CSNK1G1: variants seen among roughly 807,000 people sequenced by gnomAD.
The protein encoded by CSNK1G1 is casein kinase 1 gamma 1.
A neutral mutation model predicts 59.6 loss-of-function variants in CSNK1G1; 22 were observed. That is an observed-to-expected ratio of 0.37 (90% CI 0.26 to 0.53). The LOEUF (loss-of-function observed/expected upper bound fraction) is 0.53, where lower values mean the gene tolerates loss of function less well. Among genes scored for constraint, CSNK1G1 ranks in the 20% least tolerant of loss-of-function variants. CSNK1G1 has a pLI of 0.89. For synonymous variants in CSNK1G1, 179 were observed against 177.1 expected, an observed-to-expected ratio of 1.01 and a Z score of -0.08; for missense variants, 384 against 519.5, an observed-to-expected ratio of 0.74 and a Z score of 2.54.
At chr15:64,203,858 T>C (rs1477622722) in intron 9 of CSNK1G1, among the ~76,000 whole-genome samples, 2 of 151,920 alleles carry the variant, frequency 1.3e-5, no homozygotes, top group Non-Finnish European at 2.9e-5. Context: ...TTCTGAATCA[T>C]GGGGCCAGGT....
At chr15:64,178,216 T>C (rs150418516) in intron 11 of CSNK1G1, among the ~76,000 whole-genome samples, 5 of 152,202 alleles carry the variant, frequency 3.3e-5, no homozygotes, top group African/African-American at 1.2e-4. Context: ...TAATTTTGTA[T>C]GGAAATCGAA....
At chr15:64,185,876 A>G (rs1187556984) in intron 10 of CSNK1G1, among the ~76,000 whole-genome samples, 4 of 151,816 alleles carry the variant, frequency 2.6e-5, no homozygotes, top group Non-Finnish European at 4.4e-5. Context: ...AAAAAAAAAA[A>G]AAAGAGAGAA....
At chr15:64,268,133 T>C (rs1449970880) in intron 2 of CSNK1G1, among the ~76,000 whole-genome samples, 3 of 152,130 alleles carry the variant, frequency 2.0e-5, no homozygotes, top group African/African-American at 4.8e-5. Context: ...ATATATACAA[T>C]AGAATACTAT....
intron 1 of CSNK1G1, among the ~76,000 whole-genome samples, chr15:64,319,574 C>T (rs1896450281): frequency 6.6e-6 from 1 of 152,198 alleles, no homozygotes; most frequent in Admixed American, 6.5e-5. Context: ...GAGATGGAGT[C>T]TCCCTCTGTT....
rs1309549975 is a variant in CSNK1G1 at position 64,167,526 on chromosome 15, A to T, written c.*4405T>A. 1.3e-5 allele frequency: 2 copies of T among 152,646 alleles called. No individual in the cohort carries two copies. The highest frequency in any genetic ancestry group is 2.9e-5 in the Non-Finnish European group (2 of 68,044). The allele number at this position is 152,646 out of a possible 1,614,324, so 9.5% of individuals were successfully genotyped here. A position where few individuals can be genotyped will look rare whatever the true frequency, so the allele number is the denominator to read the frequency against. Reference sequence around the variant, plus strand: ...GCCAATTCAGATGGGTTGCCTAATTATCCTGGCTCCCTGAGGGTTTCTGGA... The same window carrying T: ...GCCAATTCAGATGGGTTGCCTAATTTTCCTGGCTCCCTGAGGGTTTCTGGA... On this transcript the variant is annotated 3_prime_UTR_variant, in exon 12 of 12. Coordinates refer to ENST00000303052, the MANE Select transcript of CSNK1G1 (RefSeq NM_022048.5).
Position 64,203,158 on chromosome 15 carries a change from G to C in CSNK1G1, c.1031C>G (p.Ser344Cys), listed in dbSNP as rs2082130677. The part of the protein sequence containing the change: ...PTPVGSVHVD[S>C]GASAITRESH... ...TTCTCGAGTTATTGCAGATGCACCAGAATCTACGTGAACTGACCCTACTGG... is the reference window on the plus strand; with the variant it reads ...TTCTCGAGTTATTGCAGATGCACCACAATCTACGTGAACTGACCCTACTGG... Residue 344 changes from serine (S) to cysteine (C), a missense_variant, in exon 10 of 12, where the codon TCT becomes TGT. By Grantham distance (112) the Ser-to-Cys change is moderately radical (BLOSUM62 -1). Transcript: ENST00000303052. 1 of 1,613,902 alleles carries C rather than the reference G, an allele frequency of 6.2e-7. No individual in the cohort carries two copies. The highest frequency in any genetic ancestry group is 1.3e-5 in the African/African-American group (1 of 74,914).
intron 1 of CSNK1G1, 94 bp from the exon 2 acceptor site, chr15:64,300,817 T>C (rs907048229): frequency 2.9e-6 from 2 of 688,790 alleles, no homozygotes; most frequent in African/African-American, 3.7e-5. Flanking sequence ...TATCCAAAGG[T>C]GAGCAAAATG....
intron 7 of CSNK1G1, 139 bp from the exon 8 acceptor site, chr15:64,205,088 T>C: frequency 1.8e-6 from 1 of 551,940 alleles, no homozygotes; most frequent in Non-Finnish European, 3.2e-6. Flanking sequence ...CACTAACAAA[T>C]AAGAAATGTA....
chr15:64,350,193 T>C (rs1021553128), intron 1 of CSNK1G1, among the ~76,000 whole-genome samples: 2 of 152,192 alleles, frequency 1.3e-5, no homozygotes, highest in African/African-American at 4.8e-5. Context: ...TAAATACTAC[T>C]TATAAAAATG....
chr15:64,228,670 C>A (rs2082496456), intron 4 of CSNK1G1, among the ~76,000 whole-genome samples: 1 of 152,024 alleles, frequency 6.6e-6, no homozygotes, highest in African/African-American at 2.4e-5. Flanking sequence ...TATTCACAAC[C>A]ACAAAGGCAC....
intron 4 of CSNK1G1, among the ~76,000 whole-genome samples, chr15:64,217,907 T>G (rs2082333257): frequency 6.6e-6 from 1 of 152,102 alleles, no homozygotes; most frequent in African/African-American, 2.4e-5. Flanking sequence ...ATGTATATAG[T>G]GGTCTACAGT....
chr15:64,304,511 TCTCAATTACAACTG>T (rs990571225), intron 1 of CSNK1G1, among the ~76,000 whole-genome samples: 19 of 152,064 alleles, frequency 1.2e-4, no homozygotes, highest in African/African-American at 4.6e-4. Context: ...TCTTTATCAC[TCTCAATTACAACTG>T]CTCAATTATA....
chr15:64,318,216 C>A (rs1198635480), intron 1 of CSNK1G1, among the ~76,000 whole-genome samples: 2 of 151,836 alleles, frequency 1.3e-5, no homozygotes, highest in African/African-American at 4.8e-5. Flanking sequence ...CAAGACACAA[C>A]TGAATTATAT....
At chr15:64,211,367 G>A (rs763697418) in intron 6 of CSNK1G1, among the ~76,000 whole-genome samples, 1 of 152,204 alleles carries the variant, frequency 6.6e-6, no homozygotes, top group African/African-American at 2.4e-5. Context: ...GCATGGGAAA[G>A]AGTTTAAAAA....
chr15:64,334,935 A>G (rs1473087417), intron 1 of CSNK1G1, among the ~76,000 whole-genome samples: 1 of 152,220 alleles, frequency 6.6e-6, no homozygotes. Flanking sequence ...GTGTACTTCT[A>G]TAACTACCTA....
At chr15:64,254,128 A>G (rs1156683698) in intron 3 of CSNK1G1, among the ~76,000 whole-genome samples, 1 of 152,074 alleles carries the variant, frequency 6.6e-6, no homozygotes, top group Non-Finnish European at 1.5e-5. Flanking sequence ...CGACAGAGCA[A>G]GACTCCGTCT....
chr15:64,299,449 G>A (rs994832242), intron 2 of CSNK1G1, among the ~76,000 whole-genome samples: 6 of 151,928 alleles, frequency 3.9e-5, no homozygotes, highest in African/African-American at 1.2e-4. Flanking sequence ...AAAATTAGCC[G>A]GGCGTGGTGG....
At position 64,278,377 on chromosome 15, in the gene CSNK1G1, CGTGTGTGTGTGTGT is replaced by C. The variant is rs56064136; in HGVS notation, c.182-19150_182-19137del. Among the ~76,000 whole-genome samples, 875 of 111,482 alleles carry C rather than the reference CGTGTGTGTGTGTGT, an allele frequency of 7.8e-3. 9 individuals carry two copies. Among genetic ancestry groups the C allele is most frequent in the African/African-American group, 0.026 (783 of 30,198 alleles). The allele number at this position is 111,482 out of a possible 152,430, so 73.1% of individuals were successfully genotyped here. On this transcript the variant is annotated intron_variant, in intron 2 of 11. Coordinates refer to ENST00000303052, the MANE Select transcript of CSNK1G1 (RefSeq NM_022048.5). ...GTAAAAGTATATATGCATGTATGTG[CGTGTGTGTGTGTGT>C]GTGTGTGTGTGTGTGTGTGTGTGTG...
chr15:64,237,895 C>T (rs2082637050), intron 4 of CSNK1G1, among the ~76,000 whole-genome samples: 1 of 152,172 alleles, frequency 6.6e-6, no homozygotes, highest in South Asian at 2.1e-4. Context: ...TCTATTAACA[C>T]TTACTTTATT....
Sources: gnomAD v4.1 joint callset for allele counts (sites outside exome capture counted in the v4.1 genomes callset) on GRCh38, gnomAD v4.1.1 for gene constraint, MANE v1.5 for transcripts, NCBI Gene and HGNC (gene_info 2026-07-23, HGNC 2026-07-21) for gene names.